Variants in RRAGB observed in about 807,000 individuals in gnomAD.
The protein encoded by RRAGB is ras-related GTP-binding protein B.
A neutral mutation model predicts 29.3 loss-of-function variants in RRAGB; 6 were observed. That is an observed-to-expected ratio of 0.21 (90% confidence interval 0.11 to 0.40). The LOEUF is 0.40. Among genes scored for constraint, RRAGB ranks in the 10% least tolerant of loss-of-function variants. RRAGB has a pLI of 1.00. For missense variants in RRAGB, 184 were observed against 272.9 expected (o/e 0.67, Z 2.29); for synonymous variants, 101 against 92.5 (o/e 1.09, Z -0.53).
intron 5 of RRAGB, among the ~76,000 whole-genome samples, chrX:55,749,069 G>GC (rs1375020108): frequency 1.0e-5 from 1 of 96,780 alleles, no homozygotes; most frequent in African/African-American, 3.9e-5. Flanking sequence ...GGGGGTGTCA[G>GC]CCCCCCGCCC....
chrX:55,753,833 T>G (rs2034587628), intron 7 of RRAGB, among the ~76,000 whole-genome samples: 1 of 111,689 alleles, frequency 9.0e-6, no homozygotes, highest in Non-Finnish European at 1.9e-5. Context: ...TCACCTGAGG[T>G]CGGGAGTTAG....
intron 5 of RRAGB, among the ~76,000 whole-genome samples, chrX:55,739,788 C>G (rs1217126095): frequency 9.0e-6 from 1 of 111,259 alleles, no homozygotes; most frequent in Non-Finnish European, 1.9e-5. Flanking sequence ...GTGAGGTCTG[C>G]TAACAAAGCC....
chrX:55,718,342 C>T lies in RRAGB; in HGVS notation c.15C>T (p.Asp5=), dbSNP rs780186698. 5.8e-6 allele frequency: 7 copies of T among 1,205,027 alleles called. No homozygotes were observed. Among genetic ancestry groups the T allele is most frequent in the Admixed American group, 2.2e-5 (1 of 45,599 alleles). The change falls in exon 1 of 10, where the codon GAC becomes GAT. Residue 5 remains aspartate, a synonymous_variant. Transcript: ENST00000374941. ...CTTGTTGCGCAATGGAAGAATCTGA[C>T]TCTGAGAAAACGACGGAGAAAGAAA... is the stretch of plus-strand genomic sequence containing the variant. MEES[D]SEKTTEKENL...
chrX:55,739,355 G>A lies in RRAGB; in HGVS notation c.516+7769G>A, dbSNP rs757357050. Among the ~76,000 whole-genome samples, 4 of 112,467 alleles carry A rather than the reference G, an allele frequency of 3.6e-5. No homozygotes were observed. The South Asian group carries it at 1.5e-3, about 42-fold the overall frequency. On this transcript the variant is annotated intron_variant, in intron 5 of 9. Coordinates refer to ENST00000374941, the MANE Select transcript of RRAGB (RefSeq NM_006064.5). ...ATTAGACTGCAGATCTCAGTTGGGA[G>A]CTTCTCCCATCCTGTGACCACTGCC... is the stretch of plus-strand genomic sequence containing the variant.
intron 5 of RRAGB, among the ~76,000 whole-genome samples, chrX:55,748,971 C>CT (rs1285609996): frequency 4.1e-5 from 2 of 48,893 alleles, no homozygotes; most frequent in East Asian, 6.8e-4. Flanking sequence ...GGGGAGTCAG[C>CT]CCCCCCGCCC....
chrX:55,724,559 A>G (rs1306782850), intron 3 of RRAGB, among the ~76,000 whole-genome samples: 1 of 111,603 alleles, frequency 9.0e-6, no homozygotes, highest in Admixed American at 9.5e-5. Context: ...TCATGCCTCT[A>G]TAATTGACAT....
intron 4 of RRAGB, among the ~76,000 whole-genome samples, chrX:55,729,709 A>T (rs2033608192): frequency 8.9e-6 from 1 of 112,056 alleles, no homozygotes; most frequent in Non-Finnish European, 1.9e-5. Context: ...GTTCTTAGTT[A>T]TAATACGTCA....
At chrX:55,748,010 G>C (rs758871255) in intron 5 of RRAGB, among the ~76,000 whole-genome samples, 5 of 112,587 alleles carry the variant, frequency 4.4e-5, no homozygotes, top group Admixed American at 3.7e-4. Flanking sequence ...TGCCATTGCA[G>C]GCGGGCGCCG....
chrX:55,725,884 T>C (rs1457429775), intron 3 of RRAGB, among the ~76,000 whole-genome samples: 1 of 111,376 alleles, frequency 9.0e-6, no homozygotes, highest in East Asian at 2.8e-4. Context: ...TATCATAGTA[T>C]TTTCTTCTTT....
intron 5 of RRAGB, among the ~76,000 whole-genome samples, chrX:55,740,687 A>G (rs972815125): frequency 1.8e-5 from 2 of 111,695 alleles, no homozygotes; most frequent in African/African-American, 6.5e-5. Flanking sequence ...GGGTGTTGTC[A>G]TGGAGAATTG....
At chrX:55,725,630 A>G (rs2146747074) in intron 3 of RRAGB, among the ~76,000 whole-genome samples, 1 of 111,672 alleles carries the variant, frequency 9.0e-6, no homozygotes, top group Admixed American at 9.5e-5. Context: ...TTGAAATTTG[A>G]AGTAAGAATA....
At chrX:55,734,502 G>C (rs1307689884) in intron 5 of RRAGB, among the ~76,000 whole-genome samples, 2 of 110,824 alleles carry the variant, frequency 1.8e-5, no homozygotes, top group Non-Finnish European at 3.8e-5. Context: ...GAGCTTATTG[G>C]AATCTTCTTT....
At chrX:55,739,952 T>C (rs1297909223) in intron 5 of RRAGB, among the ~76,000 whole-genome samples, 1 of 112,772 alleles carries the variant, frequency 8.9e-6, no homozygotes, top group Admixed American at 9.3e-5. Context: ...TTATTAAAAA[T>C]GTACTTAGAA....
intron 5 of RRAGB, among the ~76,000 whole-genome samples, chrX:55,750,048 TAAAAAAAAAAAAAAAA>T (rs774847577): frequency 6.0e-5 from 1 of 16,762 alleles, no homozygotes; most frequent in African/African-American, 2.5e-4. Flanking sequence ...AATGATCAAT[TAAAAAAAAAAAAAAAA>T]AAAAAAAAAA....
chrX:55,755,797 T>C, intron 7 of RRAGB, 44 bp from the exon 8 acceptor site: 1 of 1,167,178 alleles, frequency 8.6e-7, no homozygotes, highest in Non-Finnish European at 1.2e-6. Flanking sequence ...GAGGATGATG[T>C]AACTATTTTG....
chrX:55,750,048 T>TAAA (rs774847577), intron 5 of RRAGB, among the ~76,000 whole-genome samples: 3 of 16,764 alleles, frequency 1.8e-4, no homozygotes, highest in Non-Finnish European at 3.1e-4. Context: ...AATGATCAAT[T>TAAA]AAAAAAAAAA....
intron 5 of RRAGB, among the ~76,000 whole-genome samples, chrX:55,738,703 G>T (rs2033949314): frequency 8.9e-6 from 1 of 112,079 alleles, no homozygotes; most frequent in Non-Finnish European, 1.9e-5. Flanking sequence ...TAGCCAGGAG[G>T]TGGCGTTTGT....
At chrX:55,755,400 A>G in intron 7 of RRAGB, 1 of 748,452 alleles carries the variant, frequency 1.3e-6, no homozygotes, top group Non-Finnish European at 1.6e-6. Flanking sequence ...AGCTTTTAAA[A>G]TACAATTCCA....
intron 5 of RRAGB, among the ~76,000 whole-genome samples, chrX:55,744,678 A>AACAGC (rs1426007410): frequency 4.4e-5 from 5 of 112,371 alleles, no homozygotes; most frequent in African/African-American, 1.6e-4. Flanking sequence ...GTTATCTGTG[A>AACAGC]ACAGCAGCTG....
Sources: gnomAD v4.1 joint callset for allele counts (sites outside exome capture counted in the v4.1 genomes callset) on GRCh38, gnomAD v4.1.1 for gene constraint, MANE v1.5 for transcripts, NCBI Gene and HGNC (gene_info 2026-07-23, HGNC 2026-07-21) for gene names.